NPAS3: variants seen among roughly 807,000 people sequenced by gnomAD.
The protein encoded by NPAS3 is neuronal PAS domain-containing protein 3.
NPAS3 carries 14 observed loss-of-function variants against 73.1 expected under a neutral mutation model. The ratio of observed to expected loss-of-function variants is 0.19; its 90% CI spans 0.13 to 0.30. The LOEUF (loss-of-function observed/expected upper bound fraction) is 0.30, where lower values mean the gene tolerates loss of function less well. Among genes scored for constraint, NPAS3 ranks in the 10% least tolerant of loss-of-function variants. NPAS3 has a pLI of 1.00. For synonymous variants in NPAS3, 620 were observed against 541.5 expected (o/e 1.14, Z -2.01); for missense variants, 1,096 against 1,250.0 (o/e 0.88, Z 1.86).
At chr14:33,451,643 T>C (rs2049796116) in intron 4 of NPAS3, among the ~76,000 whole-genome samples, 1 of 152,160 alleles carries the variant, frequency 6.6e-6, no homozygotes. Flanking sequence ...TACGGTTCAT[T>C]GTTATGGTTT....
At chr14:33,739,577 T>C (rs2061605821) in intron 7 of NPAS3, among the ~76,000 whole-genome samples, 1 of 152,212 alleles carries the variant, frequency 6.6e-6, no homozygotes, top group South Asian at 2.1e-4. Context: ...TAGAACTTCA[T>C]AGTTGCATAT....
upstream of NPAS3, among the ~76,000 whole-genome samples, chr14:32,938,746 G>A (rs1421477343): frequency 6.7e-6 from 1 of 150,168 alleles, no homozygotes; most frequent in Non-Finnish European, 1.5e-5. Context: ...GGGGACGGGG[G>A]CGGGGGCGGG....
Position 33,663,426 on chromosome 14 carries a change from T to G in NPAS3, c.559-12785T>G, listed in dbSNP as rs559923244. Among the ~76,000 whole-genome samples the G allele has an allele frequency of 2.6e-5, 4 of 152,280 alleles. No individual in the cohort carries two copies. The East Asian group carries it at 7.7e-4, about 29-fold the overall frequency. The stretch of plus-strand genomic sequence containing the variant: ...TCCCAGGGATGAAGCCAACTTGATC[T>G]TGGTGGATAAGCTTTTTGATGTGCT... On this transcript the variant is annotated intron_variant, in intron 5 of 11. Transcript: ENST00000356141.
chr14:32,952,028 G>A (rs987663739), intron 1 of NPAS3, among the ~76,000 whole-genome samples: 2 of 151,810 alleles, frequency 1.3e-5, no homozygotes, highest in African/African-American at 4.8e-5. Flanking sequence ...ATACTTAATA[G>A]GTATTGCATG....
chr14:33,243,971 G>C (rs1283416842), intron 3 of NPAS3, among the ~76,000 whole-genome samples: 2 of 152,186 alleles, frequency 1.3e-5, no homozygotes, highest in South Asian at 4.2e-4. Flanking sequence ...GTTTAGAAAG[G>C]AATAAAATAA....
chr14:33,295,968 G>C (rs1437532926), intron 3 of NPAS3, among the ~76,000 whole-genome samples: 1 of 152,166 alleles, frequency 6.6e-6, no homozygotes, highest in African/African-American at 2.4e-5. Context: ...GATCATGTAT[G>C]CTGCAGTGCT....
At chr14:33,367,333 TTTTTTA>T in intron 4 of NPAS3, 65 bp downstream of exon 4, 1 of 727,894 alleles carries the variant, frequency 1.4e-6, no homozygotes, top group Non-Finnish European at 2.4e-6. Context: ...GTTTAGTCTT[TTTTTTA>T]AAGAATTTTT....
chr14:33,288,397 A>G (rs1219438069), intron 3 of NPAS3, among the ~76,000 whole-genome samples: 4 of 152,048 alleles, frequency 2.6e-5, no homozygotes, highest in Non-Finnish European at 5.9e-5. Flanking sequence ...CATCTGATCT[A>G]GGTTATGAAC....
At chr14:33,312,403 G>A (rs1594664678) in intron 3 of NPAS3, among the ~76,000 whole-genome samples, 1 of 152,150 alleles carries the variant, frequency 6.6e-6, no homozygotes, top group African/African-American at 2.4e-5. Context: ...TATTGTGTGT[G>A]TGTGTGTGAG....
chr14:33,490,119 G>C (rs1456163095), intron 4 of NPAS3, among the ~76,000 whole-genome samples: 2 of 152,086 alleles, frequency 1.3e-5, no homozygotes, highest in Non-Finnish European at 2.9e-5. Flanking sequence ...AGAGTACTAA[G>C]AGGTTTATAG....
chr14:33,055,354 G>A (rs909640128), intron 1 of NPAS3, among the ~76,000 whole-genome samples: 2 of 152,108 alleles, frequency 1.3e-5, no homozygotes, highest in Non-Finnish European at 2.9e-5. Context: ...TGTTCCCGAC[G>A]GCCTTGCTTG....
At chr14:33,777,276 A>G (rs182460914) in intron 8 of NPAS3, among the ~76,000 whole-genome samples, 1 of 152,330 alleles carries the variant, frequency 6.6e-6, no homozygotes, top group East Asian at 1.9e-4. Context: ...GTCATACCTG[A>G]AACCCATGAA....
chr14:33,633,694 A>G (rs2058439696), intron 5 of NPAS3, among the ~76,000 whole-genome samples: 1 of 152,172 alleles, frequency 6.6e-6, no homozygotes, highest in African/African-American at 2.4e-5. Context: ...TGATTGAAAC[A>G]TTATTGCCAG....
intron 4 of NPAS3, 134 bp from the exon 5 acceptor site, chr14:33,559,987 G>A (rs568467775): frequency 1.3e-4 from 61 of 465,898 alleles, no homozygotes; most frequent in African/African-American, 8.7e-4. Context: ...TCTAGCCTGG[G>A]AGACAGAGCA....
At chr14:33,012,067 G>A (rs1272331800) in intron 1 of NPAS3, among the ~76,000 whole-genome samples, 2 of 115,226 alleles carry the variant, frequency 1.7e-5, no homozygotes, top group African/African-American at 6.5e-5. Context: ...GGTTGAGTAA[G>A]GCCTGGGGCT....
At chr14:33,044,379 C>T (rs541891442) in intron 1 of NPAS3, among the ~76,000 whole-genome samples, 2 of 152,282 alleles carry the variant, frequency 1.3e-5, no homozygotes, top group East Asian at 3.9e-4. Context: ...GTATTTTGCT[C>T]ATACTTCTAT....
intron 5 of NPAS3, among the ~76,000 whole-genome samples, chr14:33,613,921 C>G (rs2140062241): frequency 6.6e-6 from 1 of 152,272 alleles, no homozygotes; most frequent in East Asian, 1.9e-4. Flanking sequence ...GTGTGCTTCT[C>G]TTACTATCTC....
chr14:33,727,010 T>C (rs988906887), intron 6 of NPAS3, among the ~76,000 whole-genome samples: 6 of 152,118 alleles, frequency 3.9e-5, no homozygotes, highest in Admixed American at 1.3e-4. Flanking sequence ...TAGTTAGTAA[T>C]AGAGCTTTAA....
At chr14:33,543,997 ATAT>A (rs2054658064) in intron 4 of NPAS3, among the ~76,000 whole-genome samples, 2 of 61,882 alleles carry the variant, frequency 3.2e-5, no homozygotes, top group African/African-American at 1.6e-4. Flanking sequence ...ATATATATAT[ATAT>A]ATCTATATCA....
Sources: gnomAD v4.1 joint callset for allele counts (sites outside exome capture counted in the v4.1 genomes callset) on GRCh38, gnomAD v4.1.1 for gene constraint, MANE v1.5 for transcripts, NCBI Gene and HGNC (gene_info 2026-07-23, HGNC 2026-07-21) for gene names.